Variants in SLC14A2 observed in about 807,000 individuals in gnomAD.
The protein encoded by SLC14A2 is solute carrier family 14 member 2, also known as urea transporter 2.
SLC14A2 carries 91 observed loss-of-function variants against 104.6 expected under a neutral mutation model. The ratio of observed to expected loss-of-function variants is 0.87; its 90% CI spans 0.73 to 1.04. The LOEUF (loss-of-function observed/expected upper bound fraction) is 1.04. Ranked by LOEUF, SLC14A2 falls within the 50% of genes least tolerant of loss-of-function variation. The pLI, the probability that SLC14A2 is intolerant of heterozygous loss-of-function variation, is 0.00. For missense variants in SLC14A2, 1,189 were observed against 1,156.0 expected (o/e 1.03, Z -0.41); for synonymous variants, 476 against 466.4 (o/e 1.02, Z -0.27).
the SLC14A2 span, among the ~76,000 whole-genome samples, chr18:45,204,443 T>G: frequency 7.2e-5 from 11 of 152,336 alleles, no homozygotes; most frequent in African/African-American, 2.4e-4. Flanking sequence ...TTTTGACTGG[T>G]CTGATGGAGA....
intron 11 of SLC14A2, 106 bp from the exon 12 acceptor site, chr18:45,666,031 A>C (rs1302939600): frequency 1.3e-5 from 10 of 770,504 alleles, no homozygotes; most frequent in Non-Finnish European, 2.3e-5. Context: ...TAGGAACAGG[A>C]AATACTGCAT....
chr18:45,192,476 G>A, the SLC14A2 span, among the ~76,000 whole-genome samples: 2 of 152,104 alleles, frequency 1.3e-5, no homozygotes, highest in Non-Finnish European at 2.9e-5. Context: ...GTTGTTTAAG[G>A]TTTTAAGAAA....
chr18:45,307,366 C>T (rs1240182563), intron 1 of SLC14A2, among the ~76,000 whole-genome samples: 3 of 142,166 alleles, frequency 2.1e-5, no homozygotes, highest in East Asian at 2.1e-4. Flanking sequence ...TGCAGTGAGC[C>T]GAGATCACAC....
intron 1 of SLC14A2, among the ~76,000 whole-genome samples, chr18:45,416,141 T>C (rs2086274191): frequency 6.6e-6 from 1 of 152,156 alleles, no homozygotes; most frequent in Non-Finnish European, 1.5e-5. Context: ...GAATATAATA[T>C]GGAGAGGTCT....
chr18:45,319,183 A>G (rs2085160807), intron 1 of SLC14A2, among the ~76,000 whole-genome samples: 1 of 152,036 alleles, frequency 6.6e-6, no homozygotes, highest in South Asian at 2.1e-4. Context: ...ATTCCCTTCC[A>G]TGCTTTGAGG....
chr18:45,517,895 T>A (rs1322359321), intron 2 of SLC14A2, among the ~76,000 whole-genome samples: 1 of 152,170 alleles, frequency 6.6e-6, no homozygotes, highest in Admixed American at 6.5e-5. Flanking sequence ...ACAAACAGCT[T>A]GCTCAAGGGG....
At chr18:45,331,690 C>CAA (rs11348476) in intron 1 of SLC14A2, among the ~76,000 whole-genome samples, 97 of 87,460 alleles carry the variant, frequency 1.1e-3, no homozygotes, top group African/African-American at 3.4e-3. Context: ...GACTCCGTCT[C>CAA]AAAAAAAAAA....
In SLC14A2 at chr18:45,542,035, G is replaced by GTTTTTTTTTTTTTTTTTTTT. The variant is rs60977948; in HGVS notation, c.-35+58731_-35+58750dup. Among the ~76,000 whole-genome samples the GTTTTTTTTTTTTTTTTTTTT allele has an allele frequency of 1.8e-4, 10 of 54,232 alleles. 3 individuals are homozygous for GTTTTTTTTTTTTTTTTTTTT. The highest frequency in any genetic ancestry group is 2.5e-4 in the African/African-American group (4 of 16,066). 35.6% of individuals were successfully genotyped at this position (54,232 alleles called of 152,430 possible). ...GGGCTTGTTAGATGAAAGAGAGAGG[G>GTTTTTTTTTTTTTTTTTTTT]TTTTTTTTTTTTTTTTTTTTTTTTT... On this transcript the variant is annotated intron_variant, in intron 2 of 20. Coordinates refer to the SLC14A2 transcript ENST00000586448.
intron 1 of SLC14A2, among the ~76,000 whole-genome samples, chr18:45,448,957 G>C (rs144343495): frequency 6.6e-6 from 1 of 152,306 alleles, no homozygotes; most frequent in African/African-American, 2.4e-5. Flanking sequence ...TTTCAGTCCA[G>C]GATCACTGAC....
At chr18:45,602,774 C>A (rs998488276) in intron 2 of SLC14A2, among the ~76,000 whole-genome samples, 2 of 152,172 alleles carry the variant, frequency 1.3e-5, no homozygotes, top group Non-Finnish European at 2.9e-5. Flanking sequence ...CACTTGTGTG[C>A]TTTCTTCAAA....
intron 1 of SLC14A2, among the ~76,000 whole-genome samples, chr18:45,393,816 G>C (rs916538705): frequency 1.3e-5 from 2 of 152,298 alleles, no homozygotes; most frequent in African/African-American, 4.8e-5. Context: ...CACTCACTGA[G>C]TTCTCACTAT....
chr18:45,187,582 C>T, the SLC14A2 span, among the ~76,000 whole-genome samples: 7 of 152,018 alleles, frequency 4.6e-5, no homozygotes, highest in Admixed American at 6.6e-5. Context: ...TATTGAGAGA[C>T]GCTTTGATCA....
intron 1 of SLC14A2, among the ~76,000 whole-genome samples, chr18:45,266,344 TC>T (rs2084592178): frequency 6.6e-6 from 1 of 152,156 alleles, no homozygotes. Flanking sequence ...CGGGTTCCTC[TC>T]CCACTCACAT....
Position 45,359,829 on chromosome 18 carries a change from C to T in SLC14A2, c.-124-123404C>T, listed in dbSNP as rs942924674. Among the ~76,000 whole-genome samples, 14 of 152,346 alleles carry T rather than the reference C, an allele frequency of 9.2e-5. No homozygotes were observed. The East Asian group carries it at 2.5e-3, about 27-fold the overall frequency. On this transcript the variant is annotated intron_variant, in intron 1 of 20. Coordinates refer to the SLC14A2 transcript ENST00000586448. ...TCTGCTGCCCAGCCACCGGCAAGGG[C>T]TTCTGTCCAACTGATGAAATGATAG...
intron 2 of SLC14A2, among the ~76,000 whole-genome samples, chr18:45,554,750 G>A (rs1235468912): frequency 6.6e-6 from 1 of 152,156 alleles, no homozygotes; most frequent in Non-Finnish European, 1.5e-5. Flanking sequence ...TATAAGACCA[G>A]TTCCAAGGAG....
At chr18:45,616,708 C>T (rs2045077102) in intron 1 of SLC14A2, among the ~76,000 whole-genome samples, 1 of 152,148 alleles carries the variant, frequency 6.6e-6, no homozygotes, top group South Asian at 2.1e-4. Context: ...ATAATTGCAA[C>T]TGATGGAATG....
intron 1 of SLC14A2, among the ~76,000 whole-genome samples, chr18:45,384,621 T>C (rs1319810069): frequency 1.3e-5 from 2 of 152,118 alleles, no homozygotes; most frequent in Non-Finnish European, 2.9e-5. Context: ...TGTAGCCAAC[T>C]ACCCCCGCCC....
chr18:45,456,784 G>A (rs923983051), intron 1 of SLC14A2, among the ~76,000 whole-genome samples: 2 of 145,182 alleles, frequency 1.4e-5, no homozygotes, highest in African/African-American at 2.6e-5. Flanking sequence ...CCTTTTTGAA[G>A]CATCTTATTT....
intron 1 of SLC14A2, among the ~76,000 whole-genome samples, chr18:45,432,276 A>G (rs568299718): frequency 2.0e-5 from 3 of 152,334 alleles, no homozygotes; most frequent in Admixed American, 1.3e-4. Flanking sequence ...ACTCCTGTGC[A>G]GAATGATAAG....
Sources: gnomAD v4.1 joint callset for allele counts (sites outside exome capture counted in the v4.1 genomes callset) on GRCh38, gnomAD v4.1.1 for gene constraint, MANE v1.5 for transcripts, NCBI Gene and HGNC (gene_info 2026-07-23, HGNC 2026-07-21) for gene names.